MDN1: variants seen among roughly 807,000 people sequenced by gnomAD.
MDN1 encodes the protein midasin.
Under a neutral mutation model 669.2 loss-of-function variants are expected in MDN1, and 266 were observed. The observed-to-expected ratio is 0.40, with a 90% CI of 0.36 to 0.44. MDN1 has a LOEUF of 0.44. MDN1 is among the 20% of genes least tolerant of loss of function. The pLI, the probability that MDN1 is intolerant of heterozygous loss-of-function variation, is 1.00. For missense variants in MDN1, 5,940 were observed against 6,754.0 expected (o/e 0.88, Z 4.22); for synonymous variants, 2,385 against 2,457.1 (o/e 0.97, Z 0.87).
At chr6:89,724,905 T>C (rs546640462) in intron 38 of MDN1, among the ~76,000 whole-genome samples, 11 of 152,182 alleles carry the variant, frequency 7.2e-5, no homozygotes, top group South Asian at 2.1e-4. Flanking sequence ...AGAGGGACAA[T>C]TGAAAAGGTC....
chr6:89,747,595 T>A (rs1816702477), intron 26 of MDN1, 125 bp from the exon 27 acceptor site: 1 of 1,172,880 alleles, frequency 8.5e-7, no homozygotes, highest in African/African-American at 1.6e-5. Context: ...TTCCACTGAA[T>A]AAGATTAATT....
At chr6:89,791,537 G>C (rs1372549338) in intron 5 of MDN1, among the ~76,000 whole-genome samples, 1 of 152,080 alleles carries the variant, frequency 6.6e-6, no homozygotes, top group Non-Finnish European at 1.5e-5. Flanking sequence ...TGAATACCCA[G>C]GTCTATCAGG....
In MDN1 at chr6:89,710,672, A is replaced by G. The variant is rs1813834677; in HGVS notation, c.7765+9T>C. 4 of 1,474,984 alleles carry G rather than the reference A, an allele frequency of 2.7e-6. No individual in the cohort carries two copies. The highest frequency in any genetic ancestry group is 3.7e-6 in the Non-Finnish European group (4 of 1,090,928). The allele number at this position is 1,474,984 out of a possible 1,614,324, so 91.4% of individuals were successfully genotyped here. On this transcript the variant is annotated intron_variant, in intron 50 of 101. Transcript: ENST00000369393. ...ACAGTGCTGAGAGCTAGAAATCAAA[A>G]GTGCATACCTGTTGTATTTGGTTGT...
chr6:89,653,292 T>C (rs758971862), intron 93 of MDN1, 137 bp from the exon 94 acceptor site: 60 of 860,546 alleles, frequency 7.0e-5, no homozygotes, highest in Non-Finnish European at 1.0e-4. Context: ...CATGTTGATT[T>C]CAGAGGTTCT....
intron 42 of MDN1, 49 bp from the exon 43 acceptor site, chr6:89,718,676 T>C (rs1324116285): frequency 6.2e-7 from 1 of 1,605,616 alleles, no homozygotes; most frequent in Non-Finnish European, 8.5e-7. Context: ...GAGAATACTG[T>C]TATCTGTACT....
chr6:89,780,184 C>CA (rs1326766719), intron 11 of MDN1, 28 bp downstream of exon 11: 2 of 1,359,574 alleles, frequency 1.5e-6, no homozygotes, highest in African/African-American at 1.5e-5. Context: ...AGAACCAAGA[C>CA]AAAAAAGACT....
At chr6:89,690,647 AAC>A (rs775387830) in intron 64 of MDN1, 24 bp downstream of exon 64, 25 of 1,613,222 alleles carry the variant, frequency 1.5e-5, no homozygotes, top group Non-Finnish European at 2.1e-5. Flanking sequence ...TTCATTCCAA[AAC>A]ACACCCTGCC....
intron 15 of MDN1, among the ~76,000 whole-genome samples, chr6:89,768,813 T>C (rs1385963894): frequency 1.3e-5 from 2 of 152,148 alleles, no homozygotes; most frequent in African/African-American, 4.8e-5. Context: ...CCCAGCACTT[T>C]GGGAGGCCCA....
At chr6:89,815,428 G>C (rs1428293541) in intron 1 of MDN1, 1 of 357,598 alleles carries the variant, frequency 2.8e-6, no homozygotes, top group Non-Finnish European at 5.5e-6. Flanking sequence ...TGACCACCAA[G>C]GCTTCGTACC....
intron 27 of MDN1, among the ~76,000 whole-genome samples, chr6:89,746,403 G>C (rs189457857): frequency 6.6e-6 from 1 of 151,830 alleles, no homozygotes; most frequent in East Asian, 1.9e-4. Flanking sequence ...GCCAACATGG[G>C]AAACACCATC....
In MDN1 at chr6:89,743,706, T is replaced by C; in HGVS notation, c.4187A>G (p.Lys1396Arg). The C allele has an allele frequency of 6.2e-7, 1 of 1,613,930 alleles. No individual in the cohort carries two copies. The highest frequency in any genetic ancestry group is 8.5e-7 in the Non-Finnish European group (1 of 1,179,936). Residue 1396 changes from lysine to arginine, a missense_variant, in exon 30 of 102, where the codon AAA becomes AGA. Around this residue, in one of 5 missense-constraint regions of MDN1, gnomAD observed 2,292 missense variants for 2,638.3 expected, o/e 0.87. Coordinates refer to ENST00000369393, the MANE Select transcript of MDN1 (RefSeq NM_014611.3). ...TGCAAATACCTGACAGATAGTAGTT[T>C]TCCCACACCTGTTAGAGATGTGCAA... is the stretch of plus-strand genomic sequence containing the variant. ...VLLVGDTGCGKTTICQVFAAL... is the reference protein window; with the variant it reads ...VLLVGDTGCGRTTICQVFAAL...
At chr6:89,804,262 C>T (rs996667641) in intron 1 of MDN1, among the ~76,000 whole-genome samples, 6 of 151,966 alleles carry the variant, frequency 3.9e-5, no homozygotes, top group South Asian at 2.1e-4. Flanking sequence ...AAAGCAGAGA[C>T]GAGTCCTGGG....
chr6:89,786,196 T>C (rs778938295), intron 8 of MDN1, among the ~76,000 whole-genome samples: 4 of 151,958 alleles, frequency 2.6e-5, no homozygotes, highest in Non-Finnish European at 5.9e-5. Flanking sequence ...GAGGCAGAGG[T>C]TGCAGTGAGC....
intron 26 of MDN1, 67 bp from the exon 27 acceptor site, chr6:89,747,537 T>G (rs1356239892): frequency 3.5e-6 from 5 of 1,447,952 alleles, no homozygotes; most frequent in Non-Finnish European, 4.7e-6. Flanking sequence ...TTTAGTACAA[T>G]GCATATAAAA....
chr6:89,747,152 T>C (rs1474304947), intron 27 of MDN1, among the ~76,000 whole-genome samples, 177 bp downstream of exon 27: 2 of 152,190 alleles, frequency 1.3e-5, no homozygotes, highest in Non-Finnish European at 2.9e-5. Context: ...CTTATTAGCA[T>C]GGAGGCCTGC....
intron 70 of MDN1, 73 bp from the exon 71 acceptor site, chr6:89,685,058 T>C (rs1287003916): frequency 4.2e-6 from 4 of 952,354 alleles, no homozygotes; most frequent in East Asian, 5.1e-5. Context: ...GTGGCCTTCA[T>C]ATTTCAGTGA....
chr6:89,646,416 G>T, intron 100 of MDN1, 124 bp downstream of exon 100: 1 of 797,112 alleles, frequency 1.3e-6, no homozygotes. Flanking sequence ...ATCAATTTAT[G>T]TCTTTTCCTG....
intron 30 of MDN1, 101 bp from the exon 31 acceptor site, chr6:89,743,381 G>A: frequency 6.8e-7 from 1 of 1,475,610 alleles, no homozygotes; most frequent in Non-Finnish European, 9.3e-7. Context: ...GGCATTCTGA[G>A]GAAAGTAAGA....
At chr6:89,738,165 T>C (rs916577479) in intron 33 of MDN1, among the ~76,000 whole-genome samples, 161 bp downstream of exon 33, 1 of 152,206 alleles carries the variant, frequency 6.6e-6, no homozygotes, top group Non-Finnish European at 1.5e-5. Context: ...GGTAACAGAA[T>C]AGTAATATTC....
Sources: gnomAD v4.1 joint callset for allele counts (sites outside exome capture counted in the v4.1 genomes callset) on GRCh38, gnomAD v4.1.1 for gene constraint, gnomAD v4.1.1 regional missense constraint, MANE v1.5 for transcripts, NCBI Gene and HGNC (gene_info 2026-07-23, HGNC 2026-07-21) for gene names.